Variants in ZNF184 observed in about 807,000 individuals in gnomAD.
ZNF184 encodes zinc finger protein 184.
In ZNF184, 16 loss-of-function variants were observed where a neutral mutation model predicts 54.4. That is an observed-to-expected ratio of 0.29 (90% CI 0.20 to 0.45). The LOEUF (loss-of-function observed/expected upper bound fraction) is 0.45, where lower values mean the gene tolerates loss of function less well. ZNF184 is among the 20% of genes least tolerant of loss of function. The pLI, the probability that ZNF184 is intolerant of heterozygous loss-of-function variation, is 1.00. For missense variants in ZNF184, 681 were observed against 888.2 expected (o/e 0.77, Z 2.97); for synonymous variants, 254 against 295.3 (o/e 0.86, Z 1.43).
chr6:27,420,683 C>G, the ZNF184 span, among the ~76,000 whole-genome samples: 7 of 152,222 alleles, frequency 4.6e-5, no homozygotes, highest in African/African-American at 1.4e-4. Flanking sequence ...TAGGAGCTGT[C>G]ATTCATTGCC....
At chr6:27,422,148 A>G in the ZNF184 span, among the ~76,000 whole-genome samples, 33 of 43,446 alleles carry the variant, frequency 7.6e-4, 1 homozygote, top group South Asian at 4.3e-3. Flanking sequence ...CTCAAAAAAA[A>G]AAAGAAAGAA....
the ZNF184 span, among the ~76,000 whole-genome samples, chr6:27,431,104 A>G: frequency 2.6e-5 from 4 of 152,336 alleles, no homozygotes; most frequent in East Asian, 7.7e-4. Flanking sequence ...CAATAGACCC[A>G]TCCTTTAATT....
At chr6:27,448,474 G>A (rs1198958614), downstream of ZNF184, among the ~76,000 whole-genome samples, 3 of 151,994 alleles carry the variant, frequency 2.0e-5, no homozygotes, top group Non-Finnish European at 4.4e-5. Context: ...ATCTGTGCCC[G>A]ACACTCTCCA....
the ZNF184 span, among the ~76,000 whole-genome samples, chr6:27,434,259 T>C: frequency 6.6e-6 from 1 of 152,228 alleles, no homozygotes; most frequent in African/African-American, 2.4e-5. Flanking sequence ...TGAATGGTTT[T>C]CCACATAATC....
At chr6:27,465,420 G>C (rs979755169) in intron 3 of ZNF184, among the ~76,000 whole-genome samples, 7 of 125,204 alleles carry the variant, frequency 5.6e-5, no homozygotes, top group African/African-American at 2.1e-4. Flanking sequence ...GGGAGGCGGA[G>C]CTTGCAGTGA....
chr6:27,442,864 A>AAGAAAG, the ZNF184 span, among the ~76,000 whole-genome samples: 8 of 79,408 alleles, frequency 1.0e-4, 2 homozygotes, highest in African/African-American at 3.3e-4. Flanking sequence ...GAAAGAAAGA[A>AAGAAAG]AGAAAGAAAG....
At chr6:27,410,970 T>G in the ZNF184 span, among the ~76,000 whole-genome samples, 2 of 152,128 alleles carry the variant, frequency 1.3e-5, no homozygotes, top group African/African-American at 4.8e-5. Context: ...ACAGCGGTAT[T>G]GGGAAACAGA....
the ZNF184 span, among the ~76,000 whole-genome samples, chr6:27,424,719 AG>A: frequency 6.6e-6 from 1 of 152,228 alleles, no homozygotes; most frequent in African/African-American, 2.4e-5. Context: ...CTAGACATAA[AG>A]GTTCTCCACG....
chr6:27,422,148 A>AAAAAAAGAAGAAAGAAAG, the ZNF184 span, among the ~76,000 whole-genome samples: 4 of 43,456 alleles, frequency 9.2e-5, no homozygotes, highest in South Asian at 2.8e-3. Flanking sequence ...CTCAAAAAAA[A>AAAAAAAGAAGAAAGAAAG]AAAGAAAGAA....
At chr6:27,445,694 T>A in the ZNF184 span, among the ~76,000 whole-genome samples, 3 of 146,282 alleles carry the variant, frequency 2.1e-5, no homozygotes, top group Non-Finnish European at 4.5e-5. Flanking sequence ...CTTTATAAAT[T>A]ATGTAGTCTG....
chr6:27,436,285 T>C, the ZNF184 span, among the ~76,000 whole-genome samples: 2 of 152,150 alleles, frequency 1.3e-5, no homozygotes, highest in African/African-American at 4.8e-5. Flanking sequence ...TGCGTCAGCC[T>C]CCTGAGTAGC....
At chr6:27,445,449 G>C in the ZNF184 span, among the ~76,000 whole-genome samples, 3 of 151,888 alleles carry the variant, frequency 2.0e-5, 1 homozygote, top group Admixed American at 2.0e-4. Context: ...CTTTACCAGG[G>C]TGATTAGGTT....
chr6:27,431,945 A>G, the ZNF184 span, among the ~76,000 whole-genome samples: 4 of 152,318 alleles, frequency 2.6e-5, no homozygotes, highest in Non-Finnish European at 5.9e-5. Context: ...TGAGACTCAC[A>G]GGTAAAGTAT....
At chr6:27,423,210 G>C in the ZNF184 span, among the ~76,000 whole-genome samples, 6 of 152,300 alleles carry the variant, frequency 3.9e-5, no homozygotes, top group South Asian at 1.0e-3. Context: ...ATTTCCACGC[G>C]CCTTAGAAAC....
chr6:27,436,111 G>T, the ZNF184 span, among the ~76,000 whole-genome samples: 2 of 151,932 alleles, frequency 1.3e-5, no homozygotes, highest in Non-Finnish European at 1.5e-5. Context: ...TTTTATGTAT[G>T]GTTTTTATCA....
chr6:27,467,220 T>G (rs990229134), intron 3 of ZNF184, among the ~76,000 whole-genome samples: 8 of 152,288 alleles, frequency 5.3e-5, no homozygotes, highest in Admixed American at 1.3e-4. Flanking sequence ...ATTTTTCCAT[T>G]CTCTAATATC....
Position 27,452,233 on chromosome 6 carries a change from C to T in ZNF184, c.1326G>A (p.Gly442=). The T allele has an allele frequency of 6.2e-7, 1 of 1,613,564 alleles. No individual in the cohort carries two copies. Among genetic ancestry groups the T allele is most frequent in the Non-Finnish European group, 8.5e-7 (1 of 1,179,858 alleles). The part of the protein sequence containing the change: ...NLTQHQKTHT[G]EKPYDCAECG... ...ATTCTGCACAATCATAGGGTTTCTC[C>T]CCAGTATGAGTTTTTTGATGCTGAG... Residue 442 remains glycine, a synonymous_variant, in exon 6 of 6, where the codon GGG becomes GGA. Transcript: ENST00000683788. The surrounding 1 kb of genome is among the most constrained non-coding windows in gnomAD (Gnocchi z 5.5).
chr6:27,442,796 AAGAAAG>A, the ZNF184 span, among the ~76,000 whole-genome samples: 1 of 69,496 alleles, frequency 1.4e-5, no homozygotes, highest in Admixed American at 1.7e-4. Flanking sequence ...GGAAGAAAGA[AAGAAAG>A]AGAAAGAAAG....
At chr6:27,414,414 C>T in the ZNF184 span, among the ~76,000 whole-genome samples, 2 of 152,144 alleles carry the variant, frequency 1.3e-5, no homozygotes, top group African/African-American at 4.8e-5. Context: ...CTTACGGTGA[C>T]CTACAAGGCC....
Sources: gnomAD v4.1 joint callset for allele counts (sites outside exome capture counted in the v4.1 genomes callset) on GRCh38, gnomAD v4.1.1 for gene constraint, Gnocchi (gnomAD v3.1) non-coding constraint, MANE v1.5 for transcripts, NCBI Gene and HGNC (gene_info 2026-07-23, HGNC 2026-07-21) for gene names.